DAGLA: variants seen among roughly 807,000 people sequenced by gnomAD.
DAGLA encodes the protein diacylglycerol lipase alpha.
DAGLA carries 22 observed loss-of-function variants against 102.6 expected under a neutral mutation model. The observed-to-expected ratio is 0.21, with a 90% CI of 0.15 to 0.31. DAGLA has a LOEUF of 0.31. Ranked by LOEUF, DAGLA falls within the 10% of genes least tolerant of loss-of-function variation. The pLI is 1.00. For synonymous variants in DAGLA, 578 were observed against 628.9 expected (o/e 0.92, Z 1.21); for missense variants, 927 against 1,446.6 (o/e 0.64, Z 5.83).
intron 1 of DAGLA, among the ~76,000 whole-genome samples, chr11:61,713,984 T>G (rs1283159866): frequency 6.6e-6 from 1 of 152,254 alleles, no homozygotes; most frequent in Non-Finnish European, 1.5e-5. Context: ...ATGGGAGTCC[T>G]GGGCTCTCCC....
In DAGLA at chr11:61,735,781, G is replaced by A. The variant is rs748726433; in HGVS notation, c.1255G>A (p.Val419Met). ...GACGGGTGATGCTGAGCGCCTCCCC[G>A]TGGAGGGGCACCACGGCACCTGGCT... ...DLTGDAERLP[V>M]EGHHGTWLGH... is the part of the protein sequence containing the mutation. Residue 419 changes from valine to methionine, a missense_variant, in exon 12 of 20, where the codon GTG (valine) becomes ATG (methionine). Around this residue, in one of 4 missense-constraint regions of DAGLA, gnomAD observed 218 missense variants for 459.6 expected, o/e 0.47. Transcript: ENST00000257215. The A allele has an allele frequency of 4.1e-5, 66 of 1,612,796 alleles. No individual in the cohort carries two copies. The highest frequency in any genetic ancestry group is 3.3e-4 in the East Asian group (15 of 44,838).
intron 3 of DAGLA, among the ~76,000 whole-genome samples, chr11:61,722,036 C>T (rs1017821118): frequency 5.9e-5 from 9 of 152,262 alleles, no homozygotes; most frequent in Non-Finnish European, 8.8e-5. Context: ...CCAGTCTCAG[C>T]CCCTGAGGGG....
At chr11:61,731,241 C>T (rs1237614551) in intron 8 of DAGLA, 76 bp from the exon 9 acceptor site, 9 of 1,580,128 alleles carry the variant, frequency 5.7e-6, no homozygotes, top group Non-Finnish European at 7.7e-6. Context: ...AGGCTCCCAC[C>T]CTGGGGAACT....
At chr11:61,723,071 G>A (rs1163162999) in intron 4 of DAGLA, 111 bp downstream of exon 4, 2 of 895,638 alleles carry the variant, frequency 2.2e-6, no homozygotes, top group Non-Finnish European at 3.6e-6. Context: ...TGCCTTCTGT[G>A]GGGGCACCAG....
intron 1 of DAGLA, among the ~76,000 whole-genome samples, chr11:61,711,335 TG>T (rs2065192915): frequency 6.6e-6 from 1 of 152,100 alleles, no homozygotes; most frequent in Non-Finnish European, 1.5e-5. Context: ...TGTGGACGTG[TG>T]GGACAAGGGC....
intron 19 of DAGLA, 84 bp from the exon 20 acceptor site, chr11:61,743,448 C>A (rs896294490): frequency 1.5e-5 from 16 of 1,054,604 alleles, no homozygotes; most frequent in Non-Finnish European, 1.6e-5. Context: ...TTATTCCCTG[C>A]AAGTTCCTTT....
At chr11:61,736,474 C>A in intron 13 of DAGLA, 124 bp downstream of exon 13, 1 of 790,956 alleles carries the variant, frequency 1.3e-6, no homozygotes, top group Non-Finnish European at 2.1e-6. Context: ...CAGGCTCCTG[C>A]AATCCCTTCC....
intron 1 of DAGLA, among the ~76,000 whole-genome samples, chr11:61,701,781 G>C (rs921974853): frequency 6.6e-6 from 1 of 152,016 alleles, no homozygotes; most frequent in Non-Finnish European, 1.5e-5. Flanking sequence ...AGGTTTTCTT[G>C]TTTTGTTTTT....
At chr11:61,713,088 C>T (rs889872361) in intron 1 of DAGLA, among the ~76,000 whole-genome samples, 2 of 152,182 alleles carry the variant, frequency 1.3e-5, no homozygotes, top group South Asian at 2.1e-4. Flanking sequence ...CAGCCTGCTC[C>T]GTGGAATTCC....
chr11:61,721,902 C>G (rs1310212132), intron 3 of DAGLA, among the ~76,000 whole-genome samples: 5 of 152,254 alleles, frequency 3.3e-5, no homozygotes, highest in Non-Finnish European at 7.3e-5. Context: ...TGAACCCACG[C>G]TGTCTGGCTC....
intron 14 of DAGLA, 112 bp from the exon 15 acceptor site, chr11:61,737,575 G>C: frequency 8.6e-7 from 1 of 1,157,076 alleles, no homozygotes; most frequent in Non-Finnish European, 1.3e-6. Flanking sequence ...AGCTCCCCGG[G>C]AGCCATCCCA....
At chr11:61,742,430 C>T (rs956869839) in intron 19 of DAGLA, among the ~76,000 whole-genome samples, 2 of 152,154 alleles carry the variant, frequency 1.3e-5, no homozygotes, top group Admixed American at 6.5e-5. Flanking sequence ...GACAACTGGA[C>T]GTCTCTCCCT....
intron 1 of DAGLA, among the ~76,000 whole-genome samples, chr11:61,703,691 A>ATGGATGGG (rs2065127487): frequency 6.6e-6 from 1 of 151,728 alleles, no homozygotes; most frequent in Non-Finnish European, 1.5e-5. Context: ...GGATGGATGG[A>ATGGATGGG]TGGATGGATG....
chr11:61,705,722 G>A (rs1057284201), intron 1 of DAGLA, among the ~76,000 whole-genome samples: 3 of 152,222 alleles, frequency 2.0e-5, no homozygotes, highest in African/African-American at 4.8e-5. Context: ...GCACATAGTA[G>A]GCACTCTGGT....
chr11:61,696,410 C>T (rs2065065954), intron 1 of DAGLA, among the ~76,000 whole-genome samples: 1 of 152,088 alleles, frequency 6.6e-6, no homozygotes. Context: ...CCGTCAAGGA[C>T]ACCACCCCCA....
chr11:61,696,983 C>A (rs759103566), intron 1 of DAGLA, among the ~76,000 whole-genome samples: 19 of 152,048 alleles, frequency 1.2e-4, no homozygotes, highest in Middle Eastern at 3.2e-3. Context: ...TCACCCATGA[C>A]CTCCCTGGGA....
At chr11:61,735,114 G>A in intron 10 of DAGLA, 112 bp downstream of exon 10, 1 of 1,284,670 alleles carries the variant, frequency 7.8e-7, no homozygotes, top group Non-Finnish European at 1.1e-6. Flanking sequence ...GGTGCTGGCT[G>A]GCTGCAGCTT....
Position 61,731,412 on chromosome 11 carries a change from C to T in DAGLA, c.945C>T (p.Cys315=), listed in dbSNP as rs201836236. The T allele has an allele frequency of 1.2e-4, 189 of 1,613,988 alleles. No homozygotes were observed. Among genetic ancestry groups the T allele is most frequent in the African/African-American group, 7.1e-4 (53 of 75,052 alleles). The change falls in exon 9 of 20, where the codon TGC becomes TGT. Residue 315 remains cysteine (C), a synonymous_variant. Coordinates refer to ENST00000257215, the MANE Select transcript of DAGLA (RefSeq NM_006133.3). ...TGTACCTGATGCGGAAGCCCGCCTG[C>T]GGCCTCTGCCAACTGGCTCGGTCCT... ...WPMYLMRKPA[C]GLCQLARSCS... is the part of the protein sequence containing the mutation.
At chr11:61,681,546 G>A (rs1456433347) in intron 1 of DAGLA, among the ~76,000 whole-genome samples, 6 of 152,102 alleles carry the variant, frequency 3.9e-5, no homozygotes, top group Non-Finnish European at 8.8e-5. Context: ...TGTAGTCACG[G>A]GGTCCTGCCT....
Sources: gnomAD v4.1 joint callset for allele counts (sites outside exome capture counted in the v4.1 genomes callset) on GRCh38, gnomAD v4.1.1 for gene constraint, gnomAD v4.1.1 regional missense constraint, MANE v1.5 for transcripts, NCBI Gene and HGNC (gene_info 2026-07-23, HGNC 2026-07-21) for gene names.